RBFOX2: variants seen among roughly 807,000 people sequenced by gnomAD.
The protein encoded by RBFOX2 is RNA binding fox-1 homolog 2, also known as RNA binding protein fox-1 homolog 2.
Under a neutral mutation model 49.1 loss-of-function variants are expected in RBFOX2, and 10 were observed. The ratio of observed to expected loss-of-function variants is 0.20; its 90% confidence interval spans 0.13 to 0.35. The LOEUF (loss-of-function observed/expected upper bound fraction) is 0.35, where lower values mean the gene tolerates loss of function less well. Ranked by LOEUF, RBFOX2 falls within the 10% of genes least tolerant of loss-of-function variation. The pLI, the probability that RBFOX2 is intolerant of heterozygous loss-of-function variation, is 1.00. For missense variants in RBFOX2, 323 were observed against 486.9 expected (o/e 0.66, Z 3.17); for synonymous variants, 183 against 187.4 (o/e 0.98, Z 0.19).
chr22:35,843,223 T>C (rs886860860), upstream of RBFOX2, among the ~76,000 whole-genome samples: 2 of 152,054 alleles, frequency 1.3e-5, no homozygotes, highest in African/African-American at 2.4e-5. Context: ...TTTTAGGACA[T>C]TTCCTGTATG....
chr22:35,751,989 A>G (rs1935104484), intron 9 of RBFOX2, among the ~76,000 whole-genome samples: 1 of 152,254 alleles, frequency 6.6e-6, no homozygotes, highest in Admixed American at 6.5e-5. Context: ...CCTAGCATCC[A>G]GCTATCAGCA....
chr22:36,025,009 T>C (rs1292139532), intron 1 of RBFOX2, among the ~76,000 whole-genome samples: 2 of 151,938 alleles, frequency 1.3e-5, no homozygotes, highest in African/African-American at 2.4e-5. Context: ...GGTTTCACTA[T>C]GTTGGCCAGG....
intron 2 of RBFOX2, among the ~76,000 whole-genome samples, chr22:35,802,626 G>A (rs189060419): frequency 6.6e-6 from 1 of 152,302 alleles, no homozygotes; most frequent in East Asian, 1.9e-4. Context: ...TGAAGGAGTG[G>A]TAGAAAATCC....
At chr22:35,882,401 G>A (rs1285767967) in intron 1 of RBFOX2, among the ~76,000 whole-genome samples, 3 of 152,198 alleles carry the variant, frequency 2.0e-5, no homozygotes, top group East Asian at 3.8e-4. Context: ...ACCTGGCTGC[G>A]TGGGTTTAAG....
At chr22:35,767,494 C>A (rs1054881404) in intron 5 of RBFOX2, among the ~76,000 whole-genome samples, 1 of 152,054 alleles carries the variant, frequency 6.6e-6, no homozygotes, top group African/African-American at 2.4e-5. Flanking sequence ...ACATCTTACT[C>A]AAAATGGTGG....
At chr22:35,879,201 G>C (rs1030216535) in intron 1 of RBFOX2, among the ~76,000 whole-genome samples, 2 of 152,188 alleles carry the variant, frequency 1.3e-5, no homozygotes, top group Non-Finnish European at 2.9e-5. Context: ...AACAAGTACA[G>C]TAAGCCCTCC....
intron 1 of RBFOX2, among the ~76,000 whole-genome samples, chr22:35,848,537 C>T (rs1487178902): frequency 6.6e-6 from 1 of 152,024 alleles, no homozygotes; most frequent in East Asian, 1.9e-4. Context: ...GAGAGCTTAC[C>T]CAACAGGCCC....
intron 1 of RBFOX2, among the ~76,000 whole-genome samples, chr22:36,020,946 C>T (rs745628079): frequency 2.0e-5 from 3 of 152,020 alleles, no homozygotes; most frequent in Non-Finnish European, 4.4e-5. Flanking sequence ...CACATGCACA[C>T]GTATGTTTAC....
intron 1 of RBFOX2, among the ~76,000 whole-genome samples, chr22:35,986,302 G>A (rs1193773810): frequency 6.6e-6 from 1 of 152,118 alleles, no homozygotes. Context: ...ACAGCAGGAT[G>A]AGGAAGGAGA....
chr22:35,839,461 A>G (rs1260963705), intron 1 of RBFOX2, among the ~76,000 whole-genome samples: 2 of 152,066 alleles, frequency 1.3e-5, no homozygotes, highest in Admixed American at 6.5e-5. Flanking sequence ...TGGGAGAGAG[A>G]GAAGAGAAGA....
At chr22:35,798,419 A>T (rs1456407568) in intron 2 of RBFOX2, among the ~76,000 whole-genome samples, 1 of 152,268 alleles carries the variant, frequency 6.6e-6, no homozygotes, top group Non-Finnish European at 1.5e-5. Context: ...TTTATGGGAA[A>T]TAATGCAGGC....
At chr22:35,975,787 C>T (rs1197632043) in intron 1 of RBFOX2, among the ~76,000 whole-genome samples, 1 of 151,918 alleles carries the variant, frequency 6.6e-6, no homozygotes, top group Non-Finnish European at 1.5e-5. Context: ...TCTGTTTGAC[C>T]CAACATATAT....
chr22:35,935,401 TTCTTAATAGA>T, intron 1 of RBFOX2, among the ~76,000 whole-genome samples: 1 of 152,120 alleles, frequency 6.6e-6, no homozygotes, highest in East Asian at 1.9e-4. Context: ...CCCATAAAGC[TTCTTAATAGA>T]TCAAGAAAGA....
intron 1 of RBFOX2, among the ~76,000 whole-genome samples, chr22:35,813,099 T>C (rs536594740): frequency 6.6e-6 from 1 of 152,350 alleles, no homozygotes; most frequent in Non-Finnish European, 1.5e-5. Flanking sequence ...ATTTTGTTAC[T>C]TACAGAAATT....
Position 35,778,395 on chromosome 22 carries a change from A to G in RBFOX2, c.400-317T>C, listed in dbSNP as rs535934259. Among the ~76,000 whole-genome samples the G allele has an allele frequency of 2.0e-5, 3 of 152,332 alleles. No individual in the cohort carries two copies. The South Asian group carries it at 6.2e-4, about 32-fold the overall frequency. On this transcript the variant is annotated intron_variant, in intron 3 of 11. Transcript: ENST00000405409. ...TAGTTTTTAGAACAGTCTCAGATTT[A>G]AAAAGCAAATCCTAGTAAGTAGAAT...
chr22:35,992,613 A>G (rs1473894531), intron 1 of RBFOX2: 1 of 152,196 alleles, frequency 6.6e-6, no homozygotes, highest in East Asian at 1.9e-4. Flanking sequence ...ACCACTTCCC[A>G]TTATGATACC....
chr22:35,955,543 T>C (rs1025285955), intron 1 of RBFOX2, among the ~76,000 whole-genome samples: 3 of 104,382 alleles, frequency 2.9e-5, no homozygotes, highest in East Asian at 5.9e-4. Flanking sequence ...AATTTTTCCA[T>C]GGGGGGTGGG....
At chr22:35,895,477 G>A (rs1291837453) in intron 1 of RBFOX2, among the ~76,000 whole-genome samples, 1 of 152,128 alleles carries the variant, frequency 6.6e-6, no homozygotes, top group Non-Finnish European at 1.5e-5. Flanking sequence ...ATGTGTGCTT[G>A]ACACCACTAT....
rs537739343 is a variant in RBFOX2 at position 35,861,976 on chromosome 22, A to G, written c.-33-51972T>C. Among the ~76,000 whole-genome samples, 19 of 152,316 alleles carry G rather than the reference A, an allele frequency of 1.2e-4. 1 individual carries two copies. The South Asian group carries it at 3.7e-3, about 30-fold the overall frequency. ...ATGAACCACCAGTATATACAGTAAC[A>G]TGGATGAATTTCAAAATAATTATGC... is the stretch of plus-strand genomic sequence containing the variant. On this transcript the variant is annotated intron_variant, in intron 1 of 13. Coordinates refer to the RBFOX2 transcript ENST00000359369.
Sources: allele counts gnomAD v4.1 joint callset (sites outside exome capture counted in the v4.1 genomes callset), GRCh38; gene constraint gnomAD v4.1.1; transcripts MANE v1.5; gene names NCBI Gene and HGNC (gene_info 2026-07-23, HGNC 2026-07-21).